Variants in GLRB observed in about 807,000 individuals in gnomAD.
GLRB encodes the protein glycine receptor beta.
A neutral mutation model predicts 54.2 loss-of-function variants in GLRB; 33 were observed. The observed-to-expected ratio is 0.61, with a 90% confidence interval of 0.46 to 0.81. The LOEUF is 0.81. Among genes scored for constraint, GLRB ranks in the 40% least tolerant of loss-of-function variants. The probability of loss-of-function intolerance (pLI) is 0.00; values close to 1 mark genes in which losing one functional copy is unlikely to be tolerated. For missense variants in GLRB, 572 were observed against 584.6 expected (o/e 0.98, Z 0.22); for synonymous variants, 209 against 208.2 (o/e 1.00, Z -0.03).
intron 2 of GLRB, among the ~76,000 whole-genome samples, chr4:157,089,789 T>C (rs755262052): frequency 2.0e-5 from 3 of 152,236 alleles, no homozygotes; most frequent in Non-Finnish European, 4.4e-5. Flanking sequence ...TTCCAAGTAA[T>C]TATTTTCAGC....
chr4:157,152,894 G>A lies in GLRB; in HGVS notation c.1081G>A (p.Glu361Lys), dbSNP rs748518342. ...QVMLNNPKRV[E>K]AEKARIAKAE... is the part of the protein sequence containing the mutation. ...GATGCTGAACAACCCCAAAAGGGTT[G>A]AAGCTGAAAAAGCCAGAATTGCTAA... is the stretch of plus-strand genomic sequence containing the variant. Residue 361 changes from glutamate to lysine, a missense_variant, in exon 9 of 10, where the codon GAA (glutamate) becomes AAA (lysine). Glu to Lys is a moderately conservative substitution (Grantham distance 56). Transcript: ENST00000264428. 1 of 1,614,084 alleles carries A rather than the reference G, an allele frequency of 6.2e-7. No homozygotes were observed. The highest frequency in any genetic ancestry group is 1.7e-5 in the Admixed American group (1 of 59,994).
In GLRB at chr4:157,143,884, A is replaced by G. The variant is rs1736707404; in HGVS notation, c.829A>G (p.Thr277Ala). The change falls in exon 8 of 10, where the codon ACT becomes GCT. Residue 277 changes from threonine (T) to alanine (A), a missense_variant. Coordinates refer to ENST00000264428, the MANE Select transcript of GLRB (RefSeq NM_000824.5). ...TTACATGATGGGGGTCTACGCCCCA[A>G]CTCTGCTCATTGTTGTTCTCTCCTG... ...GFYMMGVYAP[T>A]LLIVVLSWLS... 5.0e-6 allele frequency: 8 copies of G among 1,613,788 alleles called. No individual in the cohort carries two copies. Among genetic ancestry groups the G allele is most frequent in the African/African-American group, 1.3e-5 (1 of 74,904 alleles).
chr4:157,087,287 T>C (rs1734446217), intron 2 of GLRB, among the ~76,000 whole-genome samples: 1 of 152,178 alleles, frequency 6.6e-6, no homozygotes, highest in African/African-American at 2.4e-5. Context: ...AGACCTTGTA[T>C]AATAAGATAG....
chr4:157,106,335 T>G (rs185881167), intron 2 of GLRB, among the ~76,000 whole-genome samples: 1 of 152,266 alleles, frequency 6.6e-6, no homozygotes, highest in African/African-American at 2.4e-5. Flanking sequence ...ATTCTCTCTG[T>G]TTTTGCTCTT....
chr4:157,127,327 A>T (rs1337065893), intron 4 of GLRB, among the ~76,000 whole-genome samples: 1 of 151,748 alleles, frequency 6.6e-6, no homozygotes, highest in East Asian at 1.9e-4. Flanking sequence ...TAGATTTTAC[A>T]TCTTAGATGT....
intron 2 of GLRB, among the ~76,000 whole-genome samples, chr4:157,080,214 T>C (rs1049393689): frequency 2.0e-5 from 3 of 152,330 alleles, no homozygotes; most frequent in Middle Eastern, 3.4e-3. Context: ...AGTTCTCTTC[T>C]GATGAATATG....
intron 9 of GLRB, among the ~76,000 whole-genome samples, chr4:157,160,623 T>G (rs28790314): frequency 0.12 from 18,963 of 151,904 alleles, 2,538 homozygotes; most frequent in African/African-American, 0.34. Context: ...TTGTTCAGTT[T>G]CCATGTAGTT....
intron 2 of GLRB, among the ~76,000 whole-genome samples, chr4:157,105,799 T>A (rs1256283737): frequency 3.3e-5 from 5 of 152,276 alleles, no homozygotes; most frequent in African/African-American, 1.2e-4. Context: ...ATAATTGACT[T>A]AAAGTCTATT....
rs200846942 is a variant in GLRB, at chr4:157,149,195, G to A, written c.905-3523G>A. On this transcript the variant is annotated intron_variant, in intron 8 of 9. Transcript: ENST00000264428. The stretch of plus-strand genomic sequence containing the variant: ...TCTAAAAGTTAGCAGACAACATAGA[G>A]CATAAAGTAATTACTTTAAATTGCC... 4.6e-5 allele frequency among the ~76,000 whole-genome samples: 7 copies of A among 152,124 alleles called. No homozygotes were observed. The East Asian group carries it at 1.4e-3, about 29-fold the overall frequency.
intron 2 of GLRB, among the ~76,000 whole-genome samples, chr4:157,114,807 A>C (rs2126515774): frequency 6.6e-6 from 1 of 151,970 alleles, no homozygotes; most frequent in South Asian, 2.1e-4. Context: ...CCCGCGGGTT[A>C]AAATGTGATT....
intron 3 of GLRB, among the ~76,000 whole-genome samples, chr4:157,121,934 G>T (rs1735837223): frequency 6.6e-6 from 1 of 151,336 alleles, no homozygotes; most frequent in Non-Finnish European, 1.5e-5. Flanking sequence ...AATTTGAACT[G>T]ATTAGAAAAA....
chr4:157,139,461 C>T lies in GLRB; in HGVS notation c.751+512C>T, dbSNP rs80208084. Among the ~76,000 whole-genome samples, 5 of 152,152 alleles carry T rather than the reference C, an allele frequency of 3.3e-5. No homozygotes were observed. The East Asian group carries it at 9.7e-4, about 29-fold the overall frequency. Reference sequence around the variant, plus strand: ...CAGTAAATATTCCCTGTACAGTCTTCTTGACCTAGGTCACAGAACAGCCAA... The same window carrying T: ...CAGTAAATATTCCCTGTACAGTCTTTTTGACCTAGGTCACAGAACAGCCAA... On this transcript the variant is annotated intron_variant, in intron 7 of 9. Transcript: ENST00000264428.
chr4:157,116,356 T>G (rs929100751), intron 2 of GLRB, among the ~76,000 whole-genome samples: 1 of 151,834 alleles, frequency 6.6e-6, no homozygotes, highest in Non-Finnish European at 1.5e-5. Context: ...AAATAAATCC[T>G]GCTTTTTAAT....
intron 7 of GLRB, among the ~76,000 whole-genome samples, chr4:157,140,828 T>C (rs1245633866): frequency 2.0e-5 from 3 of 151,936 alleles, no homozygotes; most frequent in Non-Finnish European, 4.4e-5. Context: ...TGAAGGAGAC[T>C]CTATTGGATT....
At chr4:157,130,763 C>A (rs950443702) in intron 4 of GLRB, among the ~76,000 whole-genome samples, 6 of 151,390 alleles carry the variant, frequency 4.0e-5, no homozygotes, top group African/African-American at 1.5e-4. Context: ...GGGGTATATA[C>A]CTAGGATTGG....
intron 1 of GLRB, 22 bp from the exon 2 acceptor site, chr4:157,077,974 A>C: frequency 6.6e-7 from 1 of 1,525,940 alleles, no homozygotes; most frequent in Non-Finnish European, 9.0e-7. Context: ...AAATGTAAAC[A>C]TTTTCTTGTT....
At chr4:157,112,039 A>G (rs907125798) in intron 2 of GLRB, among the ~76,000 whole-genome samples, 1 of 151,492 alleles carries the variant, frequency 6.6e-6, no homozygotes, top group Non-Finnish European at 1.5e-5. Flanking sequence ...CTATCTGCTT[A>G]TTAAATATTG....
At chr4:157,133,311 A>C (rs1736283836) in intron 4 of GLRB, among the ~76,000 whole-genome samples, 1 of 151,872 alleles carries the variant, frequency 6.6e-6, no homozygotes, top group African/African-American at 2.4e-5. Context: ...AAGGAATTTG[A>C]GGCTCAGAGA....
At chr4:157,159,953 C>T (rs143394055) in intron 9 of GLRB, among the ~76,000 whole-genome samples, 7,389 of 152,154 alleles carry the variant, frequency 0.049, 203 homozygotes, top group Middle Eastern at 0.11. Flanking sequence ...GCTGTGAATC[C>T]ATCTGGTCCT....
Sources: allele counts gnomAD v4.1 joint callset (sites outside exome capture counted in the v4.1 genomes callset), GRCh38; gene constraint gnomAD v4.1.1; transcripts MANE v1.5; gene names NCBI Gene and HGNC (gene_info 2026-07-23, HGNC 2026-07-21).